Variants in SVOP observed in about 807,000 individuals in gnomAD.
SVOP encodes synaptic vesicle 2-related protein.
SVOP carries 17 observed loss-of-function variants against 69.1 expected under a neutral mutation model. The ratio of observed to expected loss-of-function variants is 0.25; its 90% CI spans 0.17 to 0.37. The LOEUF (loss-of-function observed/expected upper bound fraction) is 0.37, where lower values mean the gene tolerates loss of function less well. Ranked by LOEUF, SVOP falls within the 10% of genes least tolerant of loss-of-function variation. SVOP has a pLI of 1.00. For missense variants in SVOP, 435 were observed against 597.5 expected (o/e 0.73, Z 2.84); for synonymous variants, 238 against 238.6 (o/e 1.00, Z 0.02).
intron 1 of SVOP, among the ~76,000 whole-genome samples, chr12:109,004,429 T>TTTTTG (rs2040292799): frequency 1.3e-5 from 2 of 150,002 alleles, no homozygotes; most frequent in Admixed American, 6.7e-5. Context: ...TTTTTTTTTT[T>TTTTTG]GAGACAGGGT....
chr12:109,016,125 G>A (rs895972100), intron 1 of SVOP, among the ~76,000 whole-genome samples: 1 of 152,200 alleles, frequency 6.6e-6, no homozygotes, highest in African/African-American at 2.4e-5. Flanking sequence ...CAGGCACTGT[G>A]CTGAGAGCTT....
At chr12:108,965,915 T>A (rs1198730713) in intron 5 of SVOP, among the ~76,000 whole-genome samples, 3 of 151,934 alleles carry the variant, frequency 2.0e-5, no homozygotes, top group African/African-American at 7.3e-5. Flanking sequence ...TATACACTTT[T>A]TCCCTCTCTC....
At chr12:108,971,579 C>T (rs148631576) in intron 5 of SVOP, among the ~76,000 whole-genome samples, 5,617 of 152,224 alleles carry the variant, frequency 0.037, 646 homozygotes, top group Admixed American at 0.22. Flanking sequence ...CATTTCATAT[C>T]ATGTCTGAGC....
chr12:108,945,924 C>T (rs1223608426), intron 6 of SVOP, among the ~76,000 whole-genome samples: 2 of 152,138 alleles, frequency 1.3e-5, no homozygotes, highest in Non-Finnish European at 2.9e-5. Context: ...CAGATTTCTC[C>T]ACCCTAAGTT....
intron 1 of SVOP, among the ~76,000 whole-genome samples, chr12:108,998,019 C>T (rs1336673236): frequency 2.7e-5 from 4 of 148,392 alleles, no homozygotes; most frequent in East Asian, 2.0e-4. Context: ...CTCTGAGCTA[C>T]GGGAGGACAT....
Position 108,912,631 on chromosome 12 carries a change from C to G in SVOP, c.1551G>C (p.Leu517=), listed in dbSNP as rs1203560791. Residue 517 remains leucine, a synonymous_variant, in exon 16 of 16, where the codon CTG becomes CTC. Coordinates refer to ENST00000610966, the MANE Select transcript of SVOP (RefSeq NM_018711.5). The part of the protein sequence containing the change: ...FLPIETKGRG[L]QESSHREWGQ... ...CCCACTCCCGGTGGCTGGACTCCTG[C>G]AGTCCTCGGCCTTTGGTCTCAATGG... 6.2e-7 allele frequency: 1 copy of G among 1,613,870 alleles called. No homozygotes were observed. The highest frequency in any genetic ancestry group is 2.2e-5 in the East Asian group (1 of 44,894).
At chr12:109,003,799 GGTCTCACTAT>G (rs1229537172) in intron 1 of SVOP, among the ~76,000 whole-genome samples, 3 of 151,980 alleles carry the variant, frequency 2.0e-5, no homozygotes, top group Non-Finnish European at 4.4e-5. Context: ...GTAGAGATAG[GGTCTCACTAT>G]GTTGCCCAGG....
rs536937377 is a variant in SVOP, at chr12:108,971,681, G to A, written c.453+724C>T. The stretch of plus-strand genomic sequence containing the variant: ...TAGGGGAGTGGAGAAGTGAGACAGG[G>A]AAGGGAAGGAAGGTAATTCAGGGTG... On this transcript the variant is annotated intron_variant, in intron 5 of 15. Coordinates refer to ENST00000610966, the MANE Select transcript of SVOP (RefSeq NM_018711.5). 2.0e-5 allele frequency among the ~76,000 whole-genome samples: 3 copies of A among 152,280 alleles called. No homozygotes were observed. The South Asian group carries it at 6.2e-4, about 32-fold the overall frequency.
intron 6 of SVOP, among the ~76,000 whole-genome samples, chr12:108,955,243 A>G (rs1273392661): frequency 6.6e-6 from 1 of 152,188 alleles, no homozygotes; most frequent in Non-Finnish European, 1.5e-5. Flanking sequence ...ATCCCTGGTA[A>G]GGGAATTTGA....
intron 1 of SVOP, among the ~76,000 whole-genome samples, chr12:109,007,522 C>A (rs1022651765): frequency 6.6e-6 from 1 of 152,152 alleles, no homozygotes; most frequent in Non-Finnish European, 1.5e-5. Flanking sequence ...TAAAGAGGAG[C>A]CTTATCAGGC....
intron 6 of SVOP, among the ~76,000 whole-genome samples, chr12:108,951,234 A>C (rs2039952004): frequency 6.6e-6 from 1 of 152,196 alleles, no homozygotes; most frequent in Non-Finnish European, 1.5e-5. Context: ...AGAGCAGCTA[A>C]AACACAAGTA....
chr12:108,951,334 T>TA (rs1041639411), intron 6 of SVOP, among the ~76,000 whole-genome samples: 31 of 152,130 alleles, frequency 2.0e-4, no homozygotes, highest in Non-Finnish European at 3.2e-4. Context: ...CTACTGGAGG[T>TA]AAAAAACACA....
intron 1 of SVOP, among the ~76,000 whole-genome samples, chr12:108,989,550 T>C (rs1282619808): frequency 6.6e-6 from 1 of 151,488 alleles, no homozygotes; most frequent in African/African-American, 2.4e-5. Flanking sequence ...CGCCCGGGGG[T>C]GTGAGGGCTG....
intron 1 of SVOP, among the ~76,000 whole-genome samples, chr12:109,012,249 C>CTCCA (rs1172698338): frequency 6.6e-6 from 1 of 151,636 alleles, no homozygotes; most frequent in Non-Finnish European, 1.5e-5. Flanking sequence ...CGCCACTGCA[C>CTCCA]TCCAGCCTGA....
intron 11 of SVOP, among the ~76,000 whole-genome samples, chr12:108,933,515 TA>T (rs60070166): frequency 0.42 from 63,273 of 150,888 alleles, 15,331 homozygotes; most frequent in African/African-American, 0.66. Context: ...CCATCTTTAC[TA>T]AAAAAAATAC....
At chr12:108,952,664 G>A (rs777427706) in intron 6 of SVOP, among the ~76,000 whole-genome samples, 19 of 152,076 alleles carry the variant, frequency 1.2e-4, no homozygotes, top group Non-Finnish European at 1.8e-4. Flanking sequence ...CAGTGAGACC[G>A]CCCACCCTGT....
At chr12:108,964,717 G>C (rs978308903) in intron 5 of SVOP, among the ~76,000 whole-genome samples, 2 of 152,048 alleles carry the variant, frequency 1.3e-5, no homozygotes, top group Admixed American at 6.6e-5. Flanking sequence ...CATGTCTCAC[G>C]GGCCTTTGGG....
intron 5 of SVOP, among the ~76,000 whole-genome samples, chr12:108,968,183 T>A (rs1419271791): frequency 1.3e-5 from 2 of 152,196 alleles, no homozygotes; most frequent in African/African-American, 4.8e-5. Flanking sequence ...CTGGTTCTCA[T>A]CCACCACAGC....
chr12:109,007,996 C>T (rs929414696), intron 1 of SVOP, among the ~76,000 whole-genome samples: 1 of 151,940 alleles, frequency 6.6e-6, no homozygotes, highest in African/African-American at 2.4e-5. Context: ...TATGATTGCA[C>T]CACTGCACTC....
Sources: gnomAD v4.1 joint callset for allele counts (sites outside exome capture counted in the v4.1 genomes callset) on GRCh38, gnomAD v4.1.1 for gene constraint, MANE v1.5 for transcripts, NCBI Gene and HGNC (gene_info 2026-07-23, HGNC 2026-07-21) for gene names.